The following SMC4 variants were observed in gnomAD, a reference collection of about 807,000 sequenced individuals.
The protein encoded by SMC4 is structural maintenance of chromosomes protein 4.
In SMC4, 87 loss-of-function variants were observed where a neutral mutation model predicts 145.6. That is an observed-to-expected ratio of 0.60 (90% CI 0.50 to 0.71). SMC4 has a LOEUF of 0.71. SMC4 is among the 30% of genes least tolerant of loss of function. SMC4 has a pLI of 0.00. For synonymous variants in SMC4, 558 were observed against 500.7 expected (o/e 1.11, Z -1.53); for missense variants, 1,447 against 1,537.1 (o/e 0.94, Z 0.98).
In SMC4 at chr3:160,405,828, G is replaced by A. The variant is rs553352806; in HGVS notation, c.687+1324G>A. On this transcript the variant is annotated intron_variant, in intron 5 of 23. Coordinates refer to ENST00000357388, the MANE Select transcript of SMC4 (RefSeq NM_001002800.3). ...ACTTACATATTCTGGGACTTGGTTT[G>A]GTTAATAATGGATAAAAAGTTATGT... Among the ~76,000 whole-genome samples, 18 of 151,982 alleles carry A rather than the reference G, an allele frequency of 1.2e-4. No homozygotes were observed. In the South Asian group the frequency reaches 3.5e-3, roughly 30 times the overall value.
chr3:160,432,870 G>A (rs907667544), intron 22 of SMC4, 156 bp from the exon 23 acceptor site: 22 of 612,674 alleles, frequency 3.6e-5, no homozygotes, highest in Middle Eastern at 4.2e-4. Context: ...CTCCAATAAC[G>A]TTTTTATAAA....
chr3:160,426,276 T>A (rs1209458332), intron 17 of SMC4, 76 bp downstream of exon 17: 2 of 1,077,036 alleles, frequency 1.9e-6, no homozygotes, highest in Non-Finnish European at 2.8e-6. Context: ...TAAGAAGCAG[T>A]AGAATAATAA....
rs1716572906 is a variant in SMC4, at chr3:160,416,270, T to C, written c.1292T>C (p.Ile431Thr). 2 of 1,591,380 alleles carry C rather than the reference T, an allele frequency of 1.3e-6. No individual in the cohort carries two copies. The highest frequency in any genetic ancestry group is 8.5e-7 in the Non-Finnish European group (1 of 1,171,782). ...DKEKVEEFKS[I>T]PAKSNNIINE... ...TCTCAGGTTGAAGAATTTAAAAGTA[T>C]ACCTGCCAAGAGTAACAATATCATT... Residue 431 changes from isoleucine (I) to threonine (T), a missense_variant, in exon 10 of 24, where the codon ATA becomes ACA. Coordinates refer to ENST00000357388, the MANE Select transcript of SMC4 (RefSeq NM_001002800.3).
rs1717088412 is a variant in SMC4 at position 160,420,824 on chromosome 3, A to G, written c.1942A>G (p.Ile648Val). 2.5e-6 allele frequency: 4 copies of G among 1,614,048 alleles called. No individual in the cohort carries two copies. Among genetic ancestry groups the G allele is most frequent in the Middle Eastern group, 1.7e-4 (1 of 6,060 alleles). ...ACTGGACTACATTGTTGTTGATTCTATTGATATAGCCCAAGAATGTGTAAA... is the reference window on the plus strand; with the variant it reads ...ACTGGACTACATTGTTGTTGATTCTGTTGATATAGCCCAAGAATGTGTAAA... ...HALDYIVVDS[I>V]DIAQECVNFL... Residue 648 changes from isoleucine (I) to valine (V), a missense_variant, in exon 13 of 24, where the codon ATT becomes GTT. Ile to Val is a conservative substitution (Grantham distance 29, BLOSUM62 3). Transcript: ENST00000357388.
At chr3:160,433,246 T>C (rs774210397) in intron 23 of SMC4, 37 bp downstream of exon 23, 1 of 1,437,736 alleles carries the variant, frequency 7.0e-7, no homozygotes, top group South Asian at 1.2e-5. Context: ...TCCAGAAACT[T>C]TTAGGGGTAT....
At chr3:160,409,918 T>G (rs1016704028) in intron 5 of SMC4, among the ~76,000 whole-genome samples, 14 of 152,074 alleles carry the variant, frequency 9.2e-5, no homozygotes, top group African/African-American at 3.4e-4. Flanking sequence ...AAAAATTTTT[T>G]TTTAAAGATT....
intron 18 of SMC4, among the ~76,000 whole-genome samples, chr3:160,430,397 T>C (rs983830345): frequency 6.6e-6 from 1 of 152,128 alleles, no homozygotes; most frequent in South Asian, 2.1e-4. Flanking sequence ...GCATTTATAA[T>C]TAAAAATATA....
At chr3:160,407,388 A>G (rs572936842) in intron 5 of SMC4, among the ~76,000 whole-genome samples, 10 of 152,254 alleles carry the variant, frequency 6.6e-5, no homozygotes, top group Admixed American at 4.6e-4. Flanking sequence ...CTATGTCTCT[A>G]TAGAAAATAC....
At chr3:160,413,303 C>T (rs1716222454) in intron 7 of SMC4, among the ~76,000 whole-genome samples, 170 bp from the exon 8 acceptor site, 1 of 151,896 alleles carries the variant, frequency 6.6e-6, no homozygotes, top group African/African-American at 2.4e-5. Context: ...GATTTTTGTT[C>T]CTAAATTCTA....
Position 160,419,404 on chromosome 3 carries a change from A to G in SMC4, c.1718A>G (p.Lys573Arg), listed in dbSNP as rs767262021. ...CTTACACAAGAAGAAACAAACTTTA[A>G]AAGTTTGGTTCATGATCTCTTTCAA... ...QKLTQEETNF[K>R]SLVHDLFQKV... is the part of the protein sequence containing the mutation. The change falls in exon 12 of 24, where the codon AAA (lysine) becomes AGA (arginine). Residue 573 changes from lysine to arginine, a missense_variant. By Grantham distance (26) the Lys-to-Arg change is conservative. Transcript: ENST00000357388. 4 of 1,605,072 alleles carry G rather than the reference A, an allele frequency of 2.5e-6. No homozygotes were observed. The highest frequency in any genetic ancestry group is 3.4e-6 in the Non-Finnish European group (4 of 1,178,002).
chr3:160,427,829 G>A (rs529527721), intron 17 of SMC4, among the ~76,000 whole-genome samples: 7 of 152,334 alleles, frequency 4.6e-5, no homozygotes, highest in Admixed American at 3.9e-4. Flanking sequence ...GCTCACACCT[G>A]TAATCCCAGC....
chr3:160,407,915 A>G (rs1248533738), intron 5 of SMC4, among the ~76,000 whole-genome samples: 1 of 152,192 alleles, frequency 6.6e-6, no homozygotes, highest in Non-Finnish European at 1.5e-5. Flanking sequence ...TTTATTTTAG[A>G]AAGATACTAA....
At chr3:160,418,041 G>T in intron 11 of SMC4, 85 bp downstream of exon 11, 1 of 1,029,234 alleles carries the variant, frequency 9.7e-7, no homozygotes, top group Non-Finnish European at 1.4e-6. Context: ...CCGCGTCAGA[G>T]GTGACTAGTG....
At chr3:160,410,914 A>G (rs1195068466) in intron 5 of SMC4, among the ~76,000 whole-genome samples, 2 of 152,136 alleles carry the variant, frequency 1.3e-5, no homozygotes, top group African/African-American at 4.8e-5. Context: ...CGTCTTTGCT[A>G]TTTTGTTGAA....
At chr3:160,424,820 CT>C (rs1717596014) in intron 15 of SMC4, 46 bp from the exon 16 acceptor site, 8 of 1,605,562 alleles carry the variant, frequency 5.0e-6, no homozygotes, top group Non-Finnish European at 6.8e-6. Context: ...CGTAAGTTGA[CT>C]TTTCTGTCAA....
At chr3:160,421,943 T>G (rs1468952297) in intron 13 of SMC4, among the ~76,000 whole-genome samples, 1 of 152,222 alleles carries the variant, frequency 6.6e-6, no homozygotes, top group Admixed American at 6.5e-5. Flanking sequence ...TGTAGATTTA[T>G]CTACATATAA....
At chr3:160,406,980 TG>T (rs1314987435) in intron 5 of SMC4, among the ~76,000 whole-genome samples, 3 of 152,236 alleles carry the variant, frequency 2.0e-5, no homozygotes, top group Non-Finnish European at 2.9e-5. Flanking sequence ...ATACCTACTT[TG>T]GGAGCCTCGG....
At chr3:160,413,247 G>C (rs1716213203) in intron 7 of SMC4, among the ~76,000 whole-genome samples, 1 of 151,978 alleles carries the variant, frequency 6.6e-6, no homozygotes, top group Non-Finnish European at 1.5e-5. Flanking sequence ...GCCTCCTAAA[G>C]TGCTGGGATT....
In SMC4 at chr3:160,412,467, T is replaced by C; in HGVS notation, c.980+14T>C. 1 of 1,588,462 alleles carries C rather than the reference T, an allele frequency of 6.3e-7. No homozygotes were observed. The highest frequency in any genetic ancestry group is 8.6e-7 in the Non-Finnish European group (1 of 1,167,412). ...TCAATATTATATGTAAGTGCCTTGA[T>C]TGATATTACCAATTTTTATATTAGT... is the stretch of plus-strand genomic sequence containing the variant. On this transcript the variant is annotated intron_variant, in intron 7 of 23. Transcript: ENST00000357388.
Sources: gnomAD v4.1 joint callset for allele counts (sites outside exome capture counted in the v4.1 genomes callset) on GRCh38, gnomAD v4.1.1 for gene constraint, MANE v1.5 for transcripts, NCBI Gene and HGNC (gene_info 2026-07-23, HGNC 2026-07-21) for gene names.